The following DNAJC4 variants were observed in gnomAD, a reference collection of about 807,000 sequenced individuals.
DNAJC4 encodes DnaJ heat shock protein family (Hsp40) member C4, also known as dnaJ homolog subfamily C member 4.
In DNAJC4, 26 loss-of-function variants were observed where a neutral mutation model predicts 26.8. That is an observed-to-expected ratio of 0.97 (90% CI 0.71 to 1.34). DNAJC4 has a LOEUF of 1.34. Ranked by LOEUF, DNAJC4 falls within the 40% of genes most tolerant of loss-of-function variation. DNAJC4 has a pLI of 0.00. For missense variants in DNAJC4, 342 were observed against 321.1 expected, an observed-to-expected ratio of 1.07 and a Z score of -0.50; for synonymous variants, 134 against 127.8, an observed-to-expected ratio of 1.05 and a Z score of -0.33.
Position 64,231,914 on chromosome 11 carries a change from G to T in DNAJC4, c.130G>T (p.Gly44Cys). ...TTATGAACTGTTGGGGGTGCATCCT[G>T]GTGCCAGCACTGAGGAAGTTAAACG... ...TYYELLGVHP[G>C]ASTEEVKRAF... is the part of the protein sequence containing the mutation. The change falls in exon 2 of 6, where the codon GGT becomes TGT. Residue 44 changes from glycine to cysteine, a missense_variant. Gly to Cys is a radical substitution (Grantham distance 159, BLOSUM62 -3). Transcript: ENST00000628077. 6.2e-7 allele frequency: 1 copy of T among 1,614,060 alleles called. No homozygotes were observed. Among genetic ancestry groups the T allele is most frequent in the South Asian group, 1.1e-5 (1 of 91,086 alleles).
Position 64,232,442 on chromosome 11 carries a change from C to G in DNAJC4, c.193C>G (p.Arg65Gly). The G allele has an allele frequency of 6.3e-7, 1 of 1,590,176 alleles. No homozygotes were observed. Among genetic ancestry groups the G allele is most frequent in the South Asian group, 1.1e-5 (1 of 89,398 alleles). The stretch of plus-strand genomic sequence containing the variant: ...TGCCCCACCCCAGCTGCACCCAGAC[C>G]GGGACCCTGGGAACCCAAGCCTGCA... ...FSKSKELHPD[R>G]DPGNPSLHSR... The change falls in exon 3 of 6, where the codon CGG (arginine) becomes GGG (glycine). Residue 65 changes from arginine to glycine, a missense_variant. Arg to Gly is a moderately radical substitution (Grantham distance 125). Coordinates refer to ENST00000628077, the MANE Select transcript of DNAJC4 (RefSeq NM_005528.4).
rs1947210724 is a variant in DNAJC4, at chr11:64,233,938, G to C, written c.572G>C (p.Arg191Pro). The C allele has an allele frequency of 6.2e-7, 1 of 1,613,936 alleles. No homozygotes were observed. The highest frequency in any genetic ancestry group is 1.3e-5 in the African/African-American group (1 of 74,930). Reference protein sequence around the residue: ...MHLNFMDEKDRIITAFYNEAR... With the variant: ...MHLNFMDEKDPIITAFYNEAR... The stretch of plus-strand genomic sequence containing the variant: ...CTTAACTTCATGGATGAAAAGGATC[G>C]GATCATCACAGCCTTCTACAACGAA... The change falls in exon 5 of 6, where the codon CGG becomes CCG. Residue 191 changes from arginine to proline, a missense_variant. By Grantham distance (103) the Arg-to-Pro change is moderately radical. Transcript: ENST00000628077.
chr11:64,233,949 G>C lies in DNAJC4; in HGVS notation c.583G>C (p.Ala195Pro). 6.2e-7 allele frequency: 1 copy of C among 1,614,126 alleles called. No homozygotes were observed. The highest frequency in any genetic ancestry group is 1.1e-5 in the South Asian group (1 of 91,088). Residue 195 changes from alanine to proline, a missense_variant, in exon 5 of 6, where the codon GCC becomes CCC. Ala to Pro is a conservative substitution (Grantham distance 27, BLOSUM62 -1). Coordinates refer to ENST00000628077, the MANE Select transcript of DNAJC4 (RefSeq NM_005528.4). ...GGATGAAAAGGATCGGATCATCACA[G>C]CCTTCTACAACGAAGCCCGGGCACG... ...FMDEKDRIITAFYNEARARAR... is the reference protein window; with the variant it reads ...FMDEKDRIITPFYNEARARAR...
Position 64,230,859 on chromosome 11 carries a change from C to T in DNAJC4, c.5C>T (p.Pro2Leu), listed in dbSNP as rs368304871. Residue 2 changes from proline to leucine, a missense_variant, in exon 1 of 6, where the codon CCG becomes CTG. Pro to Leu is a moderately conservative substitution (Grantham distance 98). Transcript: ENST00000628077. Reference sequence around the variant, plus strand: ...CCCAGCTGCCCGCCCGCCGCCATGCCGCCCTTACTGCCCCTGCGCCTGTGC... The same window carrying T: ...CCCAGCTGCCCGCCCGCCGCCATGCTGCCCTTACTGCCCCTGCGCCTGTGC... Reference protein sequence around the residue: MPPLLPLRLCRL... With the variant: MLPLLPLRLCRL... 4.4e-6 allele frequency: 7 copies of T among 1,599,980 alleles called. No homozygotes were observed. The highest frequency in any genetic ancestry group is 1.1e-5 in the South Asian group (1 of 89,324).
rs745534264 is a variant in DNAJC4 at position 64,232,473 on chromosome 11, G to A, written c.224G>A (p.Arg75His). 1.2e-5 allele frequency: 20 copies of A among 1,607,562 alleles called. No individual in the cohort carries two copies. The Admixed American group carries it at 1.3e-4, about 11-fold the overall frequency. ...CCTGGGAACCCAAGCCTGCACAGCC[G>A]CTTTGTGGAGCTGAGCGAGGCATAC... ...RDPGNPSLHSRFVELSEAYRV... is the reference protein window; with the variant it reads ...RDPGNPSLHSHFVELSEAYRV... Residue 75 changes from arginine (R) to histidine (H), a missense_variant, in exon 3 of 6, where the codon CGC becomes CAC. Transcript: ENST00000628077.
chr11:64,234,226 C>T lies in DNAJC4; in HGVS notation c.*42C>T, dbSNP rs1363586504. On this transcript the variant is annotated 3_prime_UTR_variant, in exon 6 of 6. Coordinates refer to ENST00000628077, the MANE Select transcript of DNAJC4 (RefSeq NM_005528.4). This position sits in a 1 kb window ranked among gnomAD's most constrained non-coding sequence, Gnocchi z 5.3. ...GGGCCTGCAGTGCGTTCCCGCTTTGCTTCCTTCCCTGGACGGCCCGCTCCC... is the reference window on the plus strand; with the variant it reads ...GGGCCTGCAGTGCGTTCCCGCTTTGTTTCCTTCCCTGGACGGCCCGCTCCC... 3 of 1,529,216 alleles carry T rather than the reference C, an allele frequency of 2.0e-6. No homozygotes were observed. Among genetic ancestry groups the T allele is most frequent in the Non-Finnish European group, 2.6e-6 (3 of 1,142,528 alleles). The allele number at this position is 1,529,216 out of a possible 1,614,324, so 94.7% of individuals were successfully genotyped here.
chr11:64,233,237 C>CT (rs1002009338), intron 4 of DNAJC4, among the ~76,000 whole-genome samples: 14 of 146,108 alleles, frequency 9.6e-5, no homozygotes, highest in South Asian at 4.4e-4. Context: ...CTCTTTTTTT[C>CT]TTTTTTTTTT....
At chr11:64,231,049 C>T (rs1947169149) in intron 1 of DNAJC4, 109 bp downstream of exon 1, 1 of 1,374,844 alleles carries the variant, frequency 7.3e-7, no homozygotes, top group African/African-American at 1.4e-5. Flanking sequence ...CCAGGTTTGT[C>T]TCAGGTAACC....
At chr11:64,233,688 T>C (rs1947207144) in intron 4 of DNAJC4, 1 of 636,476 alleles carries the variant, frequency 1.6e-6, no homozygotes, top group Non-Finnish European at 2.7e-6. Flanking sequence ...CACCTCAAAG[T>C]GACCAGGGAC....
At chr11:64,231,274 G>A in intron 1 of DNAJC4, 1 of 411,766 alleles carries the variant, frequency 2.4e-6, no homozygotes, top group South Asian at 2.4e-5. Flanking sequence ...CCTGGGCTCT[G>A]CTCTGGAGAT....
At position 64,230,876 on chromosome 11, in the gene DNAJC4, C is replaced by G. The variant is rs759941358; in HGVS notation, c.22C>G (p.Arg8Gly). Reference protein sequence around the residue: MPPLLPLRLCRLWPRNPP... With the variant: MPPLLPLGLCRLWPRNPP... ...CGCCATGCCGCCCTTACTGCCCCTGCGCCTGTGCCGGCTGTGGCCCCGCAA... is the reference window on the plus strand; with the variant it reads ...CGCCATGCCGCCCTTACTGCCCCTGGGCCTGTGCCGGCTGTGGCCCCGCAA... Residue 8 changes from arginine to glycine, a missense_variant, in exon 1 of 6, where the codon CGC (arginine) becomes GGC (glycine). By Grantham distance (125) the Arg-to-Gly change is moderately radical (BLOSUM62 -2). Coordinates refer to ENST00000628077, the MANE Select transcript of DNAJC4 (RefSeq NM_005528.4). 6.3e-7 allele frequency: 1 copy of G among 1,598,952 alleles called. No homozygotes were observed. The highest frequency in any genetic ancestry group is 1.7e-5 in the Admixed American group (1 of 59,204).
chr11:64,231,251 C>A, intron 1 of DNAJC4: 2 of 452,476 alleles, frequency 4.4e-6, no homozygotes, highest in East Asian at 4.7e-5. Context: ...GTGTCGGGTA[C>A]AAAATCCAGA....
chr11:64,233,184 C>G (rs1947199637), intron 4 of DNAJC4: 2 of 277,486 alleles, frequency 7.2e-6, no homozygotes, highest in Non-Finnish European at 6.7e-6. Context: ...GTAGGCATCT[C>G]CCTGCCACTC....
Position 64,232,883 on chromosome 11 carries a change from CG to C in DNAJC4, c.527+22del. ...GCCTTCAGGTGATGCCTGTTCTCCC[CG>C]GGGTGATGGGCAGAGGGCAGGAGGG... On this transcript the variant is annotated intron_variant, in intron 4 of 5. Transcript: ENST00000628077. The C allele has an allele frequency of 1.9e-6, 3 of 1,554,682 alleles. No individual in the cohort carries two copies. Among genetic ancestry groups the C allele is most frequent in the Non-Finnish European group, 2.6e-6 (3 of 1,145,336 alleles).
intron 1 of DNAJC4, chr11:64,231,482 C>CG (rs1338319620): frequency 2.9e-5 from 6 of 210,220 alleles, no homozygotes; most frequent in African/African-American, 1.4e-4. Flanking sequence ...GCTGGGATTA[C>CG]GGGCATGCAC....
In DNAJC4 at chr11:64,230,883, G is replaced by A. The variant is rs1332110182; in HGVS notation, c.29G>A (p.Cys10Tyr). 15 of 1,596,224 alleles carry A rather than the reference G, an allele frequency of 9.4e-6. No homozygotes were observed. The highest frequency in any genetic ancestry group is 1.3e-5 in the African/African-American group (1 of 74,716). The change falls in exon 1 of 6, where the codon TGC becomes TAC. Residue 10 changes from cysteine to tyrosine, a missense_variant. Coordinates refer to ENST00000628077, the MANE Select transcript of DNAJC4 (RefSeq NM_005528.4). ...CCGCCCTTACTGCCCCTGCGCCTGT[G>A]CCGGCTGTGGCCCCGCAACCCTCCC... is the stretch of plus-strand genomic sequence containing the variant. Reference protein sequence around the residue: MPPLLPLRLCRLWPRNPPSR... With the variant: MPPLLPLRLYRLWPRNPPSR...
rs569307400 is a variant in DNAJC4 at position 64,232,773 on chromosome 11, G to A, written c.435G>A (p.Leu145=). Reference sequence around the variant, plus strand: ...GCGTGAGGCCACAGGGGCCCCAGTTGAGGCAGCAGCAACACAAACAAAACA... The same window carrying A: ...GCGTGAGGCCACAGGGGCCCCAGTTAAGGCAGCAGCAACACAAACAAAACA... The part of the protein sequence containing the change: ...FHSVRPQGPQ[L]RQQQHKQNKQ... The change falls in exon 4 of 6, where the codon TTG becomes TTA. Residue 145 remains leucine, a synonymous_variant. Transcript: ENST00000628077. The A allele has an allele frequency of 6.2e-7, 1 of 1,613,402 alleles. No homozygotes were observed. The highest frequency in any genetic ancestry group is 2.2e-5 in the East Asian group (1 of 44,872).
chr11:64,232,262 A>G (rs1217011555), intron 2 of DNAJC4, 168 bp from the exon 3 acceptor site: 4 of 867,206 alleles, frequency 4.6e-6, no homozygotes, highest in South Asian at 3.6e-5. Flanking sequence ...AGGAGGAAGC[A>G]GGAGTCCATG....
intron 4 of DNAJC4, chr11:64,233,104 G>T: frequency 2.4e-6 from 1 of 416,538 alleles, no homozygotes; most frequent in Non-Finnish European, 4.1e-6. Flanking sequence ...CATGCTGGCT[G>T]CCAGGAAGGG....
Sources: gnomAD v4.1 joint callset for allele counts (sites outside exome capture counted in the v4.1 genomes callset) on GRCh38, gnomAD v4.1.1 for gene constraint, Gnocchi (gnomAD v3.1) non-coding constraint, MANE v1.5 for transcripts, NCBI Gene and HGNC (gene_info 2026-07-23, HGNC 2026-07-21) for gene names.